The following LTBP1 variants were observed in gnomAD, a reference collection of about 807,000 sequenced individuals.
LTBP1 encodes the protein latent transforming growth factor beta binding protein 1.
LTBP1 carries 129 observed loss-of-function variants against 207.6 expected under a neutral mutation model. The observed-to-expected ratio is 0.62, with a 90% CI of 0.54 to 0.72. LTBP1 has a LOEUF of 0.72. Ranked by LOEUF, LTBP1 falls within the 30% of genes least tolerant of loss-of-function variation. The pLI is 0.00. For synonymous variants in LTBP1, 963 were observed against 833.7 expected, an observed-to-expected ratio of 1.16 and a Z score of -2.67; for missense variants, 2,281 against 2,217.2, an observed-to-expected ratio of 1.03 and a Z score of -0.58.
chr2:32,949,954 G>A (rs773755627), intron 2 of LTBP1, among the ~76,000 whole-genome samples: 53 of 152,196 alleles, frequency 3.5e-4, no homozygotes, highest in Admixed American at 3.4e-3. Flanking sequence ...TTATGATCAA[G>A]CAGTAATTGC....
At chr2:33,237,319 A>C (rs2092097182) in intron 9 of LTBP1, among the ~76,000 whole-genome samples, 1 of 152,200 alleles carries the variant, frequency 6.6e-6, no homozygotes, top group Admixed American at 6.5e-5. Context: ...GTGTTTCTCA[A>C]ACATATTTGG....
rs1166028735 is a variant in LTBP1, at chr2:33,275,085, G to C, written c.2864G>C (p.Cys955Ser). ...ATGGCCAGTGAGGAGGGTACTAACT[G>C]CATAGGTAATGGCAGCATTCTTCCT... The part of the protein sequence containing the change: ...GFMASEEGTN[C>S]IDVDECLRPD... The change falls in exon 17 of 34, where the codon TGC becomes TCC. Residue 955 changes from cysteine to serine, a missense_variant. Cys to Ser is a moderately radical substitution (Grantham distance 112). Transcript: ENST00000404816. 1.2e-6 allele frequency: 2 copies of C among 1,613,766 alleles called. No homozygotes were observed.
In LTBP1 at chr2:33,329,495, T is replaced by C. The variant is rs954818435; in HGVS notation, c.3731-13343T>C. Among the ~76,000 whole-genome samples, 6 of 152,302 alleles carry C rather than the reference T, an allele frequency of 3.9e-5. No homozygotes were observed. The East Asian group carries it at 1.2e-3, about 29-fold the overall frequency. On this transcript the variant is annotated intron_variant, in intron 24 of 33. Coordinates refer to ENST00000404816, the MANE Select transcript of LTBP1 (RefSeq NM_206943.4). ...CCCTAAAGTCATTAAGGTACTGTTA[T>C]GTTGTCTTCTGATAGCTTTATTGTT...
intron 32 of LTBP1, among the ~76,000 whole-genome samples, chr2:33,396,644 A>C (rs2095360814): frequency 6.6e-6 from 1 of 152,206 alleles, no homozygotes; most frequent in Non-Finnish European, 1.5e-5. Flanking sequence ...CAGAGCAAAC[A>C]AACACATGGC....
chr2:33,375,695 T>G (rs1472802778), intron 31 of LTBP1, among the ~76,000 whole-genome samples: 1 of 147,938 alleles, frequency 6.8e-6, no homozygotes, highest in East Asian at 1.9e-4. Context: ...GCCCGGCTAA[T>G]TTTTTTGTAT....
At chr2:33,013,775 G>A (rs569758269) in intron 2 of LTBP1, among the ~76,000 whole-genome samples, 69 of 152,156 alleles carry the variant, frequency 4.5e-4, no homozygotes, top group African/African-American at 1.4e-3. Flanking sequence ...ACATCACATG[G>A]TTAACAACCA....
chr2:33,181,570 C>T (rs1006977382), intron 5 of LTBP1, among the ~76,000 whole-genome samples: 3 of 152,314 alleles, frequency 2.0e-5, no homozygotes, highest in African/African-American at 7.2e-5. Context: ...GGCTGAAGGC[C>T]TACCTCTTGT....
rs769839658 is a variant in LTBP1 at position 33,188,711 on chromosome 2, G to A, written c.1561G>A (p.Val521Ile). 5 of 1,614,102 alleles carry A rather than the reference G, an allele frequency of 3.1e-6. No individual in the cohort carries two copies. The highest frequency in any genetic ancestry group is 2.2e-5 in the South Asian group (2 of 91,080). The change falls in exon 7 of 34, where the codon GTC becomes ATC. Residue 521 changes from valine to isoleucine, a missense_variant. Coordinates refer to ENST00000404816, the MANE Select transcript of LTBP1 (RefSeq NM_206943.4). ...AGAAGCTCAACCAGGCCAATCCCAA[G>A]TCTCGTACCAAGGGCTTCCTGTCCA... is the stretch of plus-strand genomic sequence containing the variant. ...TKEAQPGQSQ[V>I]SYQGLPVQKT...
At chr2:33,279,913 C>A in intron 18 of LTBP1, 126 bp from the exon 19 acceptor site, 1 of 928,698 alleles carries the variant, frequency 1.1e-6, no homozygotes, top group Non-Finnish European at 1.7e-6. Flanking sequence ...TCTCACTTAC[C>A]CAATTATTGT....
intron 3 of LTBP1, among the ~76,000 whole-genome samples, chr2:33,099,699 C>T (rs923052522): frequency 6.6e-6 from 1 of 152,106 alleles, no homozygotes; most frequent in African/African-American, 2.4e-5. Context: ...TTTATTCTTC[C>T]CCTGTGTTGA....
Position 33,309,253 on chromosome 2 carries a change from A to G in LTBP1, c.3482-181A>G, listed in dbSNP as rs866870625. Among the ~76,000 whole-genome samples, 14 of 151,460 alleles carry G rather than the reference A, an allele frequency of 9.2e-5. No individual in the cohort carries two copies. In the South Asian group the frequency reaches 1.0e-3, roughly 11 times the overall value. On this transcript the variant is annotated intron_variant, in intron 22 of 33. Transcript: ENST00000404816. Reference sequence around the variant, plus strand: ...AGCCAAGATAGCGCCACTGCACTCCAGCATGGGTGATGGCAAGACTCCGTC... The same window carrying G: ...AGCCAAGATAGCGCCACTGCACTCCGGCATGGGTGATGGCAAGACTCCGTC...
intron 3 of LTBP1, among the ~76,000 whole-genome samples, chr2:33,025,894 G>A (rs963739668): frequency 1.3e-5 from 2 of 152,094 alleles, no homozygotes; most frequent in Non-Finnish European, 2.9e-5. Flanking sequence ...AAAAGATGAA[G>A]TTTCTTATAG....
Position 33,098,148 on chromosome 2 carries a change from AAGGTG to A in LTBP1, c.864-12431_864-12427del, listed in dbSNP as rs561814614. On this transcript the variant is annotated intron_variant, in intron 3 of 33. Coordinates refer to ENST00000404816, the MANE Select transcript of LTBP1 (RefSeq NM_206943.4). ...AAAAATTATTTGCTAATTAATTAGCAAGGTGAGTGCAAATGTAATCTCATTATGAT... is the reference window on the plus strand; with the variant it reads ...AAAAATTATTTGCTAATTAATTAGCAAGTGCAAATGTAATCTCATTATGAT... Among the ~76,000 whole-genome samples, 12 of 152,328 alleles carry A rather than the reference AAGGTG, an allele frequency of 7.9e-5. No individual in the cohort carries two copies. In the South Asian group the frequency reaches 2.5e-3, roughly 32 times the overall value.
chr2:33,302,179 T>C lies in LTBP1; in HGVS notation c.3481+535T>C, dbSNP rs542877161. ...GTTGGGTGACTGAACCAGGCCTGCT[T>C]ATGGAGCGGGGAATATCTTCTCCCA... On this transcript the variant is annotated intron_variant, in intron 22 of 33. Coordinates refer to ENST00000404816, the MANE Select transcript of LTBP1 (RefSeq NM_206943.4). Among the ~76,000 whole-genome samples, 21 of 152,298 alleles carry C rather than the reference T, an allele frequency of 1.4e-4. No homozygotes were observed. The South Asian group carries it at 4.3e-3, about 32-fold the overall frequency.
intron 31 of LTBP1, among the ~76,000 whole-genome samples, chr2:33,369,997 T>C (rs902246647): frequency 2.0e-5 from 3 of 151,460 alleles, no homozygotes; most frequent in Non-Finnish European, 4.4e-5. Flanking sequence ...CAGAACCAGG[T>C]TGCCCTGCCT....
At chr2:33,127,818 GA>G (rs1051022323) in intron 4 of LTBP1, among the ~76,000 whole-genome samples, 21 of 152,168 alleles carry the variant, frequency 1.4e-4, no homozygotes, top group African/African-American at 5.1e-4. Flanking sequence ...GGAATGTGGG[GA>G]AGAAGAGGAA....
intron 3 of LTBP1, among the ~76,000 whole-genome samples, chr2:33,058,835 G>T (rs934033760): frequency 2.6e-5 from 4 of 152,154 alleles, no homozygotes; most frequent in Non-Finnish European, 4.4e-5. Flanking sequence ...TGTCGCAGGA[G>T]AAAAAACATT....
chr2:33,280,146 G>A lies in LTBP1; in HGVS notation c.3100G>A (p.Gly1034Arg), dbSNP rs777762457. The part of the protein sequence containing the change: ...PCTEGFRGWN[G>R]QCLDVDECLE... ...CACAGAAGGATTCCGAGGCTGGAAT[G>A]GACAGTGCCTTGGTAGGTACTATAG... The change falls in exon 19 of 34, where the codon GGA (glycine) becomes AGA (arginine). Residue 1034 changes from glycine (G) to arginine (R), a missense_variant. This residue lies in a region of LTBP1 where 1,671 missense variants were observed against 1,634.8 expected (regional missense o/e 1.02). Transcript: ENST00000404816. 3.5e-5 allele frequency: 57 copies of A among 1,613,918 alleles called. No homozygotes were observed. The highest frequency in any genetic ancestry group is 4.7e-5 in the Non-Finnish European group (55 of 1,179,986).
At chr2:33,397,506 C>CTTTTTTTT (rs35219261) in intron 33 of LTBP1, among the ~76,000 whole-genome samples, 9 of 112,110 alleles carry the variant, frequency 8.0e-5, no homozygotes, top group Non-Finnish European at 1.2e-4. Flanking sequence ...TACCACAATT[C>CTTTTTTTT]TTTTTTTTTT....
Sources: allele counts gnomAD v4.1 joint callset (sites outside exome capture counted in the v4.1 genomes callset), GRCh38; gene constraint gnomAD v4.1.1; regional missense constraint gnomAD v4.1.1; transcripts MANE v1.5; gene names NCBI Gene and HGNC (gene_info 2026-07-23, HGNC 2026-07-21).